The following KAT7 variants were observed in gnomAD, a reference collection of about 807,000 sequenced individuals.
KAT7 encodes the protein lysine acetyltransferase 7.
In KAT7, 10 loss-of-function variants were observed where a neutral mutation model predicts 82.1. That is an observed-to-expected ratio of 0.12 (90% CI 0.08 to 0.21). KAT7 has a LOEUF of 0.21. KAT7 is among the 10% of genes least tolerant of loss of function. KAT7 has a pLI of 1.00. For missense variants in KAT7, 378 were observed against 760.9 expected (o/e 0.50, Z 5.92); for synonymous variants, 250 against 262.5 (o/e 0.95, Z 0.46).
At chr17:49,795,584 C>CT (rs2073945942) in intron 2 of KAT7, 1 of 240,044 alleles carries the variant, frequency 4.2e-6, no homozygotes, top group Non-Finnish European at 9.1e-6. Flanking sequence ...TTTCAGATGG[C>CT]TTATTCAAAC....
intron 8 of KAT7, among the ~76,000 whole-genome samples, chr17:49,816,611 A>G (rs1051475776): frequency 2.0e-5 from 3 of 152,164 alleles, no homozygotes; most frequent in African/African-American, 7.2e-5. Context: ...TGTATCAAAT[A>G]CTAGACTTGT....
In KAT7 at chr17:49,808,744, A is replaced by C. The variant is rs558637296; in HGVS notation, c.664-375A>C. Among the ~76,000 whole-genome samples the C allele has an allele frequency of 2.0e-5, 3 of 152,016 alleles. No homozygotes were observed. The East Asian group carries it at 5.8e-4, about 29-fold the overall frequency. On this transcript the variant is annotated intron_variant, in intron 5 of 14. Coordinates refer to ENST00000259021, the MANE Select transcript of KAT7 (RefSeq NM_007067.5). ...TGGGATTACAGGCGTGAGGCACCACACCCAGCCCAAACCCAGGTTTTCTAA... is the reference window on the plus strand; with the variant it reads ...TGGGATTACAGGCGTGAGGCACCACCCCCAGCCCAAACCCAGGTTTTCTAA...
intron 1 of KAT7, chr17:49,789,146 C>T (rs1054642645): frequency 3.8e-5 from 11 of 290,948 alleles, no homozygotes; most frequent in East Asian, 1.7e-4. Context: ...TGTTTGGGCT[C>T]AACGGTCACC....
chr17:49,808,770 TG>T (rs919529689), intron 5 of KAT7, among the ~76,000 whole-genome samples: 18 of 152,194 alleles, frequency 1.2e-4, no homozygotes, highest in African/African-American at 4.1e-4. Flanking sequence ...GGTTTTCTAA[TG>T]TTTTCTTTGT....
chr17:49,789,088 T>G (rs2073848164), intron 1 of KAT7: 2 of 397,234 alleles, frequency 5.0e-6, no homozygotes, highest in Non-Finnish European at 9.2e-6. Flanking sequence ...TCTTATTAAT[T>G]GGTCGCTGAA....
At chr17:49,820,995 G>A (rs2074296939) in intron 9 of KAT7, among the ~76,000 whole-genome samples, 1 of 152,114 alleles carries the variant, frequency 6.6e-6, no homozygotes. Context: ...AGCTGCTTAA[G>A]AATTTCCTGT....
At position 49,834,964 on chromosome 17, in the gene KAT7, A is replaced by G. The variant is rs939480677; in HGVS notation, c.*7462A>G. On this transcript the variant is annotated 3_prime_UTR_variant, in exon 15 of 15. Transcript: ENST00000259021. The stretch of plus-strand genomic sequence containing the variant: ...GGCTGTGGTCAGCTGAGATCCCACC[A>G]GTGTGCTCCAGCCTGGGTGACAGAG... 6.6e-6 allele frequency: 1 copy of G among 152,426 alleles called. No individual in the cohort carries two copies. 9.4% of individuals were successfully genotyped at this position (152,426 alleles called of 1,614,324 possible).
chr17:49,802,846 C>A (rs1390708102), intron 4 of KAT7, among the ~76,000 whole-genome samples: 1 of 152,054 alleles, frequency 6.6e-6, no homozygotes, highest in Admixed American at 6.5e-5. Flanking sequence ...GCACCTCAGC[C>A]TTCTGAGTAG....
rs2074420717 is a variant in KAT7, at chr17:49,830,965, A to G, written c.*3463A>G. On this transcript the variant is annotated 3_prime_UTR_variant, in exon 15 of 15. Coordinates refer to ENST00000259021, the MANE Select transcript of KAT7 (RefSeq NM_007067.5). ...TATTTTTTAATTATTAACCAAATTAACTCATTACAGTAAAAAGGACTGATT... is the reference window on the plus strand; with the variant it reads ...TATTTTTTAATTATTAACCAAATTAGCTCATTACAGTAAAAAGGACTGATT... 6.6e-6 allele frequency: 1 copy of G among 152,156 alleles called. No individual in the cohort carries two copies. The highest frequency in any genetic ancestry group is 2.4e-5 in the African/African-American group (1 of 41,392). 9.4% of individuals were successfully genotyped at this position (152,156 alleles called of 1,614,324 possible). A position where few individuals can be genotyped will look rare whatever the true frequency, so the allele number is the denominator to read the frequency against.
chr17:49,831,959 A>AAGTAAC lies in KAT7; in HGVS notation c.*4457_*4458insAGTAAC, dbSNP rs1555607368. ...CAGGCGTGAGCCATTGCACCCAGCCATTTTTTTTTTTTTTAAGACGACGTC... is the reference window on the plus strand; with the variant it reads ...CAGGCGTGAGCCATTGCACCCAGCCAAGTAACTTTTTTTTTTTTTTAAGACGACGTC... On this transcript the variant is annotated 3_prime_UTR_variant, in exon 15 of 15. Transcript: ENST00000259021. 2 of 132,898 alleles carry AAGTAAC rather than the reference A, an allele frequency of 1.5e-5. No homozygotes were observed. Among genetic ancestry groups the AAGTAAC allele is most frequent in the Non-Finnish European group, 3.2e-5 (2 of 61,956 alleles). The allele number at this position is 132,898 out of a possible 1,614,324, so 8.2% of individuals were successfully genotyped here.
Position 49,808,468 on chromosome 17 carries a change from T to G in KAT7, c.664-651T>G, listed in dbSNP as rs534425734. Reference sequence around the variant, plus strand: ...TTCTTTCTTTCTTTTTTTTTTTTTTTAAGACAGAGTCTCACTCTGTTGTCC... The same window carrying G: ...TTCTTTCTTTCTTTTTTTTTTTTTTGAAGACAGAGTCTCACTCTGTTGTCC... On this transcript the variant is annotated intron_variant, in intron 5 of 14. Transcript: ENST00000259021. 6.8e-3 allele frequency among the ~76,000 whole-genome samples: 1,017 copies of G among 150,114 alleles called. 12 individuals are homozygous for G. The highest frequency in any genetic ancestry group is 0.024 in the African/African-American group (982 of 40,934).
intron 2 of KAT7, chr17:49,795,501 C>A (rs2073944560): frequency 8.3e-6 from 2 of 239,842 alleles, no homozygotes; most frequent in Non-Finnish European, 1.8e-5. Flanking sequence ...AGCCCTCAGA[C>A]AAGTGTCTGT....
At chr17:49,792,105 T>G in intron 2 of KAT7, 72 bp downstream of exon 2, 1 of 1,481,612 alleles carries the variant, frequency 6.7e-7, no homozygotes, top group Non-Finnish European at 9.3e-7. Flanking sequence ...ATTTTCCTAG[T>G]TAATGTGGAA....
rs1446686636 is a variant in KAT7, at chr17:49,833,434, T to A, written c.*5932T>A. 1 of 152,224 alleles carries A rather than the reference T, an allele frequency of 6.6e-6. No homozygotes were observed. Among genetic ancestry groups the A allele is most frequent in the Non-Finnish European group, 1.5e-5 (1 of 68,032 alleles). 9.4% of individuals were successfully genotyped at this position (152,224 alleles called of 1,614,324 possible). On this transcript the variant is annotated 3_prime_UTR_variant, in exon 15 of 15. Coordinates refer to ENST00000259021, the MANE Select transcript of KAT7 (RefSeq NM_007067.5). ...CATCTCCAAAGATGGCCACCAACAG[T>A]TGCTCTCATCCTCTGTGCACGTGCT...
intron 7 of KAT7, among the ~76,000 whole-genome samples, chr17:49,813,546 G>A (rs896894346): frequency 9.9e-5 from 15 of 152,190 alleles, no homozygotes; most frequent in African/African-American, 3.6e-4. Flanking sequence ...TCGTATCCAT[G>A]GATTTTGTTC....
chr17:49,789,391 G>A (rs2073854291), intron 1 of KAT7: 1 of 152,568 alleles, frequency 6.6e-6, no homozygotes. Flanking sequence ...GCACAACAAA[G>A]CAGAAGACTG....
At chr17:49,801,926 C>A (rs556474881) in intron 4 of KAT7, among the ~76,000 whole-genome samples, 8 of 152,312 alleles carry the variant, frequency 5.3e-5, no homozygotes, top group African/African-American at 1.7e-4. Flanking sequence ...GCCACAGATA[C>A]AAAACTTCTG....
intron 4 of KAT7, among the ~76,000 whole-genome samples, chr17:49,800,722 T>C (rs1323136761): frequency 6.6e-6 from 1 of 152,162 alleles, no homozygotes; most frequent in Non-Finnish European, 1.5e-5. Flanking sequence ...TCTGCCCTCA[T>C]GGAGCTTATA....
rs1211614033 is a variant in KAT7 at position 49,834,792 on chromosome 17, C to G, written c.*7290C>G. 2 of 152,206 alleles carry G rather than the reference C, an allele frequency of 1.3e-5. No individual in the cohort carries two copies. The highest frequency in any genetic ancestry group is 2.9e-5 in the Non-Finnish European group (2 of 68,096). The allele number at this position is 152,206 out of a possible 1,614,324, so 9.4% of individuals were successfully genotyped here. A position where few individuals can be genotyped will look rare whatever the true frequency, so the allele number is the denominator to read the frequency against. On this transcript the variant is annotated 3_prime_UTR_variant, in exon 15 of 15. Transcript: ENST00000259021. Reference sequence around the variant, plus strand: ...CAGGCCAGGCATGGTGGGAGGATCACTTGAGCCCAGGAGTTCGAGACCAGC... The same window carrying G: ...CAGGCCAGGCATGGTGGGAGGATCAGTTGAGCCCAGGAGTTCGAGACCAGC...
Sources: gnomAD v4.1 joint callset for allele counts (sites outside exome capture counted in the v4.1 genomes callset) on GRCh38, gnomAD v4.1.1 for gene constraint, MANE v1.5 for transcripts, NCBI Gene and HGNC (gene_info 2026-07-23, HGNC 2026-07-21) for gene names.